The following DNMT3A variants were observed in gnomAD, a reference collection of about 807,000 sequenced individuals.
DNMT3A encodes the protein DNA (cytosine-5)-methyltransferase 3A.
A neutral mutation model predicts 117.6 loss-of-function variants in DNMT3A; 267 were observed. The observed-to-expected ratio is 2.27, with a 90% CI of 2.05 to 2.51. DNMT3A has a LOEUF of 2.51. Ranked by LOEUF, DNMT3A falls within the 30% of genes most tolerant of loss-of-function variation. The pLI, the probability that DNMT3A is intolerant of heterozygous loss-of-function variation, is 0.00. For synonymous variants in DNMT3A, 432 were observed against 474.8 expected (o/e 0.91, Z 1.17); for missense variants, 1,029 against 1,260.2 (o/e 0.82, Z 2.78).
intron 19 of DNMT3A, 142 bp from the exon 20 acceptor site, chr2:25,239,357 A>C: frequency 1.4e-6 from 1 of 721,056 alleles, no homozygotes; most frequent in Non-Finnish European, 2.5e-6. Context: ...TGCAGCCTCC[A>C]GGAGAAGCTG....
chr2:25,308,370 C>T (rs764303316), intron 2 of DNMT3A, among the ~76,000 whole-genome samples: 4 of 152,176 alleles, frequency 2.6e-5, no homozygotes, highest in Non-Finnish European at 5.9e-5. Flanking sequence ...AGCTTCAACA[C>T]AGGCCCTTCT....
At chr2:25,264,401 C>T (rs963597303) in intron 6 of DNMT3A, among the ~76,000 whole-genome samples, 1 of 151,666 alleles carries the variant, frequency 6.6e-6, no homozygotes, top group Non-Finnish European at 1.5e-5. Context: ...TGGCCTCCCA[C>T]AGTGTTGGGA....
intron 1 of DNMT3A, among the ~76,000 whole-genome samples, chr2:25,321,108 G>A (rs934015975): frequency 6.6e-6 from 1 of 151,684 alleles, no homozygotes; most frequent in Admixed American, 6.6e-5. Flanking sequence ...ACTCCACCCT[G>A]GGCAACAAAA....
intron 10 of DNMT3A, 145 bp from the exon 11 acceptor site, chr2:25,246,454 G>A (rs1358944914): frequency 1.1e-5 from 16 of 1,427,464 alleles, no homozygotes; most frequent in African/African-American, 1.4e-5. Flanking sequence ...AACCAACAGA[G>A]AGCAGGTCAT....
At position 25,232,187 on chromosome 2, in the gene DNMT3A, C is replaced by T. The variant is rs998914472; in HGVS notation, c.*2092G>A. On this transcript the variant is annotated 3_prime_UTR_variant, in exon 23 of 23. Coordinates refer to ENST00000321117, the MANE Select transcript of DNMT3A (RefSeq NM_022552.5). This position sits in a 1 kb window ranked among gnomAD's most constrained non-coding sequence, Gnocchi z 4.1. ...CTTTCTAGGGACGTGGACTTGGGGC[C>T]ATGTGCTTGCCGACACACCTCCCAG... 4.6e-5 allele frequency: 7 copies of T among 152,116 alleles called. No individual in the cohort carries two copies. Among genetic ancestry groups the T allele is most frequent in the Non-Finnish European group, 4.4e-5 (3 of 68,042 alleles). 9.4% of individuals were successfully genotyped at this position (152,116 alleles called of 1,614,324 possible).
intron 2 of DNMT3A, among the ~76,000 whole-genome samples, chr2:25,303,225 T>C (rs1262164937): frequency 1.3e-5 from 2 of 152,238 alleles, no homozygotes; most frequent in Non-Finnish European, 2.9e-5. Flanking sequence ...CCAGAGCGTC[T>C]GATCAGTGAA....
intron 1 of DNMT3A, among the ~76,000 whole-genome samples, chr2:25,315,993 C>A (rs553693881): frequency 6.6e-6 from 1 of 152,246 alleles, no homozygotes; most frequent in Non-Finnish European, 1.5e-5. Context: ...GAGGCTTCCC[C>A]GGCCCTCAGT....
rs1466967154 is a variant in DNMT3A at position 25,304,156 on chromosome 2, C to T, written c.73-3913G>A. Among the ~76,000 whole-genome samples the T allele has an allele frequency of 2.0e-5, 3 of 152,012 alleles. No individual in the cohort carries two copies. The highest frequency in any genetic ancestry group is 1.9e-4 in the East Asian group (1 of 5,190). On this transcript the variant is annotated intron_variant, in intron 2 of 22. Coordinates refer to ENST00000321117, the MANE Select transcript of DNMT3A (RefSeq NM_022552.5). This position sits in a 1 kb window ranked among gnomAD's most constrained non-coding sequence, Gnocchi z 4.3. ...GGACTGAATTCGTCCACACTTCCAGCGCAGAGGGGAGGGGGTGGAAATTCC... is the reference window on the plus strand; with the variant it reads ...GGACTGAATTCGTCCACACTTCCAGTGCAGAGGGGAGGGGGTGGAAATTCC...
intron 3 of DNMT3A, among the ~76,000 whole-genome samples, chr2:25,297,973 C>T (rs916378650): frequency 2.0e-5 from 3 of 152,372 alleles, no homozygotes; most frequent in Admixed American, 2.0e-4. Flanking sequence ...AGGTGCTGCT[C>T]TTCTGTCAAA....
intron 2 of DNMT3A, among the ~76,000 whole-genome samples, chr2:25,300,653 CTAAATAATATATTATTTAGATA>C (rs2033392392): frequency 2.1e-4 from 1 of 4,744 alleles, no homozygotes; most frequent in Non-Finnish European, 8.4e-4. Context: ...ATTTAGATAT[CTAAATAATATATTATTTAGATA>C]TATATTTAGA....
rs1448054635 is a variant in DNMT3A, at chr2:25,305,778, G to A, written c.73-5535C>T. Among the ~76,000 whole-genome samples the A allele has an allele frequency of 6.6e-6, 1 of 152,216 alleles. No individual in the cohort carries two copies. The highest frequency in any genetic ancestry group is 1.5e-5 in the Non-Finnish European group (1 of 68,042). On this transcript the variant is annotated intron_variant, in intron 2 of 22. Coordinates refer to ENST00000321117, the MANE Select transcript of DNMT3A (RefSeq NM_022552.5). The surrounding 1 kb of genome is among the most constrained non-coding windows in gnomAD (Gnocchi z 4.1). Reference sequence around the variant, plus strand: ...AGGCACACTGGCATTCACAGGCACAGACACTCTGGGCTGGCTGTGCCCAGA... The same window carrying A: ...AGGCACACTGGCATTCACAGGCACAAACACTCTGGGCTGGCTGTGCCCAGA...
rs1672789465 is a variant in DNMT3A, at chr2:25,229,488, G to C, written c.*4791C>G. The C allele has an allele frequency of 6.6e-6, 1 of 152,280 alleles. No homozygotes were observed. The highest frequency in any genetic ancestry group is 2.4e-5 in the African/African-American group (1 of 41,476). 9.4% of individuals were successfully genotyped at this position (152,280 alleles called of 1,614,324 possible). Reference sequence around the variant, plus strand: ...TCTCTAGTCTCCAGCACTGAGAGCAGGCAGCGTGGAGAATACGCAATGACA... The same window carrying C: ...TCTCTAGTCTCCAGCACTGAGAGCACGCAGCGTGGAGAATACGCAATGACA... On this transcript the variant is annotated 3_prime_UTR_variant, in exon 23 of 23. Coordinates refer to ENST00000321117, the MANE Select transcript of DNMT3A (RefSeq NM_022552.5).
At chr2:25,319,265 T>C (rs188204240) in intron 1 of DNMT3A, among the ~76,000 whole-genome samples, 103 of 151,778 alleles carry the variant, frequency 6.8e-4, no homozygotes, top group Middle Eastern at 3.5e-3. Context: ...CCGCCCGCCT[T>C]AGCCTCCCAA....
At position 25,245,355 on chromosome 2, in the gene DNMT3A, G is replaced by A. The variant is rs367983317; in HGVS notation, c.1475-23C>T. 3 of 1,608,680 alleles carry A rather than the reference G, an allele frequency of 1.9e-6. No individual in the cohort carries two copies. In the African/African-American group the frequency reaches 4.0e-5, roughly 21 times the overall value. Reference sequence around the variant, plus strand: ...TGTCTGGAAAGCAGAGGGAGGGGATGGGGTGAGTACCACCGAAGGGCCTCT... The same window carrying A: ...TGTCTGGAAAGCAGAGGGAGGGGATAGGGTGAGTACCACCGAAGGGCCTCT... On this transcript the variant is annotated intron_variant, in intron 12 of 22. Transcript: ENST00000321117.
rs936903115 is a variant in DNMT3A at position 25,243,835 on chromosome 2, A to C, written c.1936+63T>G. The C allele has an allele frequency of 4.6e-6, 7 of 1,528,318 alleles. No homozygotes were observed. The South Asian group carries it at 8.4e-5, about 18-fold the overall frequency. The allele number at this position is 1,528,318 out of a possible 1,614,324, so 94.7% of individuals were successfully genotyped here. A position where few individuals can be genotyped will look rare whatever the true frequency, so the allele number is the denominator to read the frequency against. On this transcript the variant is annotated intron_variant, in intron 16 of 22. Transcript: ENST00000321117. The stretch of plus-strand genomic sequence containing the variant: ...TCATTTCGTTTTGCCAGAGTTGCCC[A>C]CACACCTGGCTCCCCCATCCTGGGA...
chr2:25,313,591 C>T (rs945921086), intron 2 of DNMT3A, among the ~76,000 whole-genome samples: 9 of 152,162 alleles, frequency 5.9e-5, no homozygotes, highest in East Asian at 1.9e-4. Flanking sequence ...GAGGCGGGTC[C>T]GAGAAGGAAT....
At chr2:25,323,047 G>T (rs748240531) in intron 1 of DNMT3A, among the ~76,000 whole-genome samples, 1 of 151,902 alleles carries the variant, frequency 6.6e-6, no homozygotes, top group African/African-American at 2.4e-5. Flanking sequence ...GGTGGGAAAC[G>T]CTTGTCAAAA....
Position 25,294,737 on chromosome 2 carries a change from G to A in DNMT3A, c.177+5402C>T, listed in dbSNP as rs1367763592. ...TTTGCCTGCAGCAGAATGGTTCCCT[G>A]ACTTCCCCATTTAGGTTACCCCAAG... On this transcript the variant is annotated intron_variant, in intron 3 of 22. Coordinates refer to ENST00000321117, the MANE Select transcript of DNMT3A (RefSeq NM_022552.5). This position sits in a 1 kb window ranked among gnomAD's most constrained non-coding sequence, Gnocchi z 4.7. 6.6e-6 allele frequency among the ~76,000 whole-genome samples: 1 copy of A among 152,178 alleles called. No individual in the cohort carries two copies. Among genetic ancestry groups the A allele is most frequent in the African/African-American group, 2.4e-5 (1 of 41,446 alleles).
At chr2:25,338,504 G>A (rs2035292906) in intron 1 of DNMT3A, among the ~76,000 whole-genome samples, 3 of 152,164 alleles carry the variant, frequency 2.0e-5, no homozygotes, top group Admixed American at 2.0e-4. Flanking sequence ...TGGCCGCTGG[G>A]CAGCGGCGCA....
Sources: allele counts gnomAD v4.1 joint callset (sites outside exome capture counted in the v4.1 genomes callset), GRCh38; gene constraint gnomAD v4.1.1; non-coding constraint Gnocchi (gnomAD v3.1); transcripts MANE v1.5; gene names NCBI Gene and HGNC (gene_info 2026-07-23, HGNC 2026-07-21).